ZNF831: variants seen among roughly 807,000 people sequenced by gnomAD.
ZNF831 encodes zinc finger protein 831.
Under a neutral mutation model 95.8 loss-of-function variants are expected in ZNF831, and 59 were observed. The ratio of observed to expected loss-of-function variants is 0.62; its 90% confidence interval spans 0.50 to 0.77. The LOEUF (loss-of-function observed/expected upper bound fraction) is 0.77, where lower values mean the gene tolerates loss of function less well. ZNF831 is among the 30% of genes least tolerant of loss of function. ZNF831 has a pLI of 0.00. For missense variants in ZNF831, 2,205 were observed against 2,164.0 expected (o/e 1.02, Z -0.38); for synonymous variants, 961 against 925.5 (o/e 1.04, Z -0.70).
intron 4 of ZNF831, among the ~76,000 whole-genome samples, chr20:59,238,032 G>T (rs1987101368): frequency 6.6e-6 from 1 of 152,042 alleles, no homozygotes; most frequent in South Asian, 2.1e-4. Context: ...AAAATGATTT[G>T]TTGTTCACCT....
intron 1 of ZNF831, among the ~76,000 whole-genome samples, chr20:59,143,287 G>A (rs993607370): frequency 6.6e-6 from 1 of 152,206 alleles, no homozygotes; most frequent in Non-Finnish European, 1.5e-5. Flanking sequence ...TGAGTAAGTA[G>A]GCAGGTGGAG....
rs2146578219 is a variant in ZNF831, at chr20:59,193,169, G to A, written c.2150G>A (p.Arg717Lys). The A allele has an allele frequency of 6.3e-7, 1 of 1,575,402 alleles. No homozygotes were observed. Among genetic ancestry groups the A allele is most frequent in the Non-Finnish European group, 8.6e-7 (1 of 1,160,076 alleles). Residue 717 changes from arginine to lysine, a missense_variant, in exon 2 of 6, where the codon AGA becomes AAA. Arg to Lys is a conservative substitution (Grantham distance 26). Coordinates refer to ENST00000371030, the MANE Select transcript of ZNF831 (RefSeq NM_178457.3). The stretch of plus-strand genomic sequence containing the variant: ...AAGCATGGGGAGACGGTGGCCAGGA[G>A]AGGAGACAGTGACCGACCCAGGGTG... ...PTKHGETVAR[R>K]GDSDRPRVEE...
At chr20:59,137,295 T>G (rs1979540108) in intron 1 of ZNF831, among the ~76,000 whole-genome samples, 1 of 137,912 alleles carries the variant, frequency 7.3e-6, no homozygotes, top group Non-Finnish European at 1.6e-5. Flanking sequence ...TTTTTTTTTG[T>G]GATCAATGAA....
At position 59,194,495 on chromosome 20, in the gene ZNF831, C is replaced by T. The variant is rs2146600453; in HGVS notation, c.3476C>T (p.Ser1159Phe). 6.2e-7 allele frequency: 1 copy of T among 1,611,904 alleles called. No individual in the cohort carries two copies. Among genetic ancestry groups the T allele is most frequent in the African/African-American group, 1.3e-5 (1 of 75,036 alleles). Reference sequence around the variant, plus strand: ...GCCTTGTCTTCCCACTCAGGGACGTCCCGGAGCCACAGCACCCGCAGTCCC... The same window carrying T: ...GCCTTGTCTTCCCACTCAGGGACGTTCCGGAGCCACAGCACCCGCAGTCCC... ...ELALSSHSGTSRSHSTRSPHS... is the reference protein window; with the variant it reads ...ELALSSHSGTFRSHSTRSPHS... The change falls in exon 2 of 6, where the codon TCC becomes TTC. Residue 1159 changes from serine (S) to phenylalanine (F), a missense_variant. Transcript: ENST00000371030.
In ZNF831 at chr20:59,258,759, G is replaced by A. The variant is rs563386478; in HGVS notation, c.*4016G>A. 2.6e-5 allele frequency: 4 copies of A among 152,054 alleles called. No homozygotes were observed. Among genetic ancestry groups the A allele is most frequent in the Admixed American group, 2.6e-4 (4 of 15,272 alleles). The allele number at this position is 152,054 out of a possible 1,614,324, so 9.4% of individuals were successfully genotyped here. A position where few individuals can be genotyped will look rare whatever the true frequency, so the allele number is the denominator to read the frequency against. ...TTTTTCAGAACCCATTAAATATAAGGGTCAGAACCTAGAAAATCTTATGTG... is the reference window on the plus strand; with the variant it reads ...TTTTTCAGAACCCATTAAATATAAGAGTCAGAACCTAGAAAATCTTATGTG... On this transcript the variant is annotated 3_prime_UTR_variant, in exon 6 of 6. Transcript: ENST00000371030.
intron 2 of ZNF831, among the ~76,000 whole-genome samples, chr20:59,157,609 A>AGG (rs1431536206): frequency 6.6e-6 from 1 of 152,272 alleles, no homozygotes; most frequent in Non-Finnish European, 1.5e-5. Flanking sequence ...CTCTCAGACC[A>AGG]GGACTTGGAT....
At position 59,175,589 on chromosome 20, in the gene ZNF831, T is replaced by C. The variant is rs551618536; in HGVS notation, c.-37+11382T>C. Among the ~76,000 whole-genome samples the C allele has an allele frequency of 1.8e-4, 27 of 152,342 alleles. 1 individual carries two copies. In the Middle Eastern group the frequency reaches 0.014, roughly 77 times the overall value. On this transcript the variant is annotated intron_variant, in intron 1 of 5. Transcript: ENST00000371030. ...TGATTATAGTATTTTTCATTTCTAT[T>C]ATTTCCATGTAGTTCTTCTTTTATC... is the stretch of plus-strand genomic sequence containing the variant.
intron 3 of ZNF831, among the ~76,000 whole-genome samples, chr20:59,198,485 C>T (rs1327085077): frequency 6.6e-6 from 1 of 152,216 alleles, no homozygotes; most frequent in Non-Finnish European, 1.5e-5. Context: ...GTCTTACCCT[C>T]GGCCAGCCTC....
At chr20:59,133,573 C>T (rs941628603) in intron 1 of ZNF831, among the ~76,000 whole-genome samples, 3 of 152,094 alleles carry the variant, frequency 2.0e-5, no homozygotes, top group Non-Finnish European at 4.4e-5. Context: ...TTGACAGTTG[C>T]CAAGGAGGAA....
In ZNF831 at chr20:59,211,065, AC is replaced by A. The variant is rs1255669578; in HGVS notation, c.4027+4010del. 7.7e-5 allele frequency among the ~76,000 whole-genome samples: 6 copies of A among 77,544 alleles called. 1 individual carries two copies. The highest frequency in any genetic ancestry group is 1.2e-4 in the Admixed American group (1 of 8,144). 50.9% of individuals were successfully genotyped at this position (77,544 alleles called of 152,430 possible). On this transcript the variant is annotated intron_variant, in intron 4 of 5. Coordinates refer to ENST00000371030, the MANE Select transcript of ZNF831 (RefSeq NM_178457.3). ...AAAAAAAAAGAAAAAAAAAAAAAAA[AC>A]AAATCCAAGGAGAAAAAAAAATTCA...
At chr20:59,165,976 G>T (rs1344262880) in intron 1 of ZNF831, among the ~76,000 whole-genome samples, 11 of 151,976 alleles carry the variant, frequency 7.2e-5, no homozygotes, top group African/African-American at 2.7e-4. Context: ...GGTCTCTAAC[G>T]CTTGACCTCA....
intron 4 of ZNF831, among the ~76,000 whole-genome samples, chr20:59,234,918 A>G (rs1343269257): frequency 6.6e-6 from 1 of 152,184 alleles, no homozygotes; most frequent in Non-Finnish European, 1.5e-5. Flanking sequence ...CCCATTAACT[A>G]TTGACCCATT....
intron 2 of ZNF831, among the ~76,000 whole-genome samples, chr20:59,150,706 C>T (rs541579371): frequency 1.3e-5 from 2 of 152,180 alleles, no homozygotes; most frequent in East Asian, 1.9e-4. Flanking sequence ...CGCCAGCACA[C>T]GCTGTCATTT....
chr20:59,239,475 TC>T (rs1226868276), intron 4 of ZNF831, among the ~76,000 whole-genome samples: 5 of 151,968 alleles, frequency 3.3e-5, no homozygotes, highest in Non-Finnish European at 5.9e-5. Context: ...GGTTCAAGTT[TC>T]CCCCCTTCTT....
At chr20:59,233,915 C>T (rs1302531794) in intron 4 of ZNF831, among the ~76,000 whole-genome samples, 1 of 152,146 alleles carries the variant, frequency 6.6e-6, no homozygotes, top group Non-Finnish European at 1.5e-5. Flanking sequence ...ATGCAGCCAC[C>T]CTCATCCCCA....
intron 4 of ZNF831, among the ~76,000 whole-genome samples, chr20:59,207,435 T>TG (rs1984976836): frequency 6.6e-6 from 1 of 152,158 alleles, no homozygotes. Context: ...GCAGGGTCAT[T>TG]GTAAAGCTAA....
At chr20:59,154,963 G>A (rs181472632) in intron 2 of ZNF831, among the ~76,000 whole-genome samples, 5 of 151,902 alleles carry the variant, frequency 3.3e-5, no homozygotes, top group East Asian at 1.9e-4. Context: ...ATTTATACCC[G>A]TCTCTCACAC....
chr20:59,213,161 G>A (rs918628267), intron 4 of ZNF831, among the ~76,000 whole-genome samples: 3 of 152,136 alleles, frequency 2.0e-5, no homozygotes, highest in African/African-American at 7.2e-5. Flanking sequence ...AAGTAAATGC[G>A]AGGTAAATAG....
At chr20:59,149,049 C>T (rs1435585253) in intron 2 of ZNF831, among the ~76,000 whole-genome samples, 2 of 152,200 alleles carry the variant, frequency 1.3e-5, no homozygotes, top group African/African-American at 4.8e-5. Context: ...CGAGGGTCTC[C>T]ATCCCTTCCA....
Sources: allele counts gnomAD v4.1 joint callset (sites outside exome capture counted in the v4.1 genomes callset), GRCh38; gene constraint gnomAD v4.1.1; transcripts MANE v1.5; gene names NCBI Gene and HGNC (gene_info 2026-07-23, HGNC 2026-07-21).